The following LAMA5 variants were observed in gnomAD, a reference collection of about 807,000 sequenced individuals.
LAMA5 encodes the protein laminin subunit alpha-5.
In LAMA5, 260 loss-of-function variants were observed where a neutral mutation model predicts 433.4. The observed-to-expected ratio is 0.60, with a 90% CI of 0.54 to 0.66. The LOEUF is 0.66. LAMA5 is among the 30% of genes least tolerant of loss of function. LAMA5 has a pLI of 0.00. For missense variants in LAMA5, 5,378 were observed against 5,258.5 expected, an observed-to-expected ratio of 1.02 and a Z score of -0.70; for synonymous variants, 2,620 against 2,226.6, an observed-to-expected ratio of 1.18 and a Z score of -4.97.
rs373991738 is a variant in LAMA5, at chr20:62,330,844, C to T, written c.3751G>A (p.Ala1251Thr). ...PLPPGLPLTH[A>T]QDLTPAMSPA... ...GACATGGCTGGAGTGAGATCCTGCG[C>T]GTGGGTCAGCGGGAGGCCGGGCGGC... The change falls in exon 30 of 80, where the codon GCG (alanine) becomes ACG (threonine). Residue 1251 changes from alanine to threonine, a missense_variant. By Grantham distance (58) the Ala-to-Thr change is moderately conservative. Coordinates refer to ENST00000252999, the MANE Select transcript of LAMA5 (RefSeq NM_005560.6). 26 of 1,541,294 alleles carry T rather than the reference C, an allele frequency of 1.7e-5. No individual in the cohort carries two copies. The highest frequency in any genetic ancestry group is 1.7e-4 in the Middle Eastern group (1 of 5,956).
chr20:62,353,090 C>A (rs774786820), intron 3 of LAMA5, 44 bp downstream of exon 3: 2 of 1,394,230 alleles, frequency 1.4e-6, no homozygotes, highest in Middle Eastern at 1.8e-4. Context: ...TGCCCAGGGA[C>A]CCCCCTGCCT....
In LAMA5 at chr20:62,324,322, G is replaced by A. The variant is rs1202823659; in HGVS notation, c.5644-118C>T. ...GCCCAAGGCCAGATGGTCCCCCACT[G>A]GGCAACACCCTTCCCCAGACCTCAG... On this transcript the variant is annotated intron_variant, in intron 42 of 79. Transcript: ENST00000252999. This position sits in a 1 kb window ranked among gnomAD's most constrained non-coding sequence, Gnocchi z 4.4. 4.1e-6 allele frequency: 6 copies of A among 1,450,674 alleles called. No homozygotes were observed. The highest frequency in any genetic ancestry group is 1.4e-5 in the African/African-American group (1 of 71,004). The allele number at this position is 1,450,674 out of a possible 1,614,324, so 89.9% of individuals were successfully genotyped here.
chr20:62,329,744 T>C, intron 32 of LAMA5, 33 bp downstream of exon 32: 1 of 1,610,360 alleles, frequency 6.2e-7, no homozygotes, highest in Non-Finnish European at 8.5e-7. Flanking sequence ...TAAGGACAGC[T>C]GGTCCCTGAG....
Position 62,351,693 on chromosome 20 carries a change from TGGGGCCTCACCTGAAC to T in LAMA5, c.951_956+10del, listed in dbSNP as rs1334496175. 1.9e-6 allele frequency: 3 copies of T among 1,595,876 alleles called. No individual in the cohort carries two copies. The highest frequency in any genetic ancestry group is 2.6e-6 in the Non-Finnish European group (3 of 1,172,124). On this transcript the variant is annotated splice_donor_variant and splice_donor_5th_base_variant and coding_sequence_variant and intron_variant, in exon 6 of 80. Transcript: ENST00000252999. LOFTEE classifies it high-confidence loss of function. ...TCACCTGAACGGGGCCTCACCTGAA[TGGGGCCTCACCTGAAC>T]GGGTCCGTGGGGTCTTTGGCATCGC...
intron 45 of LAMA5, 38 bp from the exon 46 acceptor site, chr20:62,322,796 T>C: frequency 7.6e-7 from 1 of 1,318,938 alleles, no homozygotes; most frequent in African/African-American, 1.5e-5. Flanking sequence ...CTGGGCCCTC[T>C]CACCCCCCCA....
chr20:62,358,116 C>T (rs1382349067), intron 2 of LAMA5, among the ~76,000 whole-genome samples: 1 of 152,220 alleles, frequency 6.6e-6, no homozygotes, highest in African/African-American at 2.4e-5. Context: ...TAGGTGGGTG[C>T]TGGGGCATCT....
chr20:62,312,561 G>A (rs759616312), intron 67 of LAMA5, 29 bp from the exon 68 acceptor site: 4 of 1,599,000 alleles, frequency 2.5e-6, no homozygotes, highest in Non-Finnish European at 3.4e-6. Context: ...GCGGGTCAGG[G>A]CGCCACCTCC....
At chr20:62,339,860 C>G (rs1413670717) in intron 11 of LAMA5, among the ~76,000 whole-genome samples, 2 of 152,178 alleles carry the variant, frequency 1.3e-5, no homozygotes, top group African/African-American at 4.8e-5. Flanking sequence ...GAGGCAAGGA[C>G]GATCGTGGGG....
In LAMA5 at chr20:62,312,235, A is replaced by T. The variant is rs772100457; in HGVS notation, c.9442T>A (p.Tyr3148Asn). ...GCGCTGTGGAAGCCGAAGCCGGAGT[A>T]GACGTTGCCAGTGAGCGGTGCCACG... ...SNVAPLTGNV[Y>N]SGFGFHSAQD... Residue 3148 changes from tyrosine to asparagine, a missense_variant, in exon 69 of 80, where the codon TAC becomes AAC. By Grantham distance (143) the Tyr-to-Asn change is moderately radical (BLOSUM62 -2). Transcript: ENST00000252999. 6.2e-7 allele frequency: 1 copy of T among 1,611,082 alleles called. No individual in the cohort carries two copies. Among genetic ancestry groups the T allele is most frequent in the Non-Finnish European group, 8.5e-7 (1 of 1,179,408 alleles).
At chr20:62,313,890 C>A in intron 62 of LAMA5, 88 bp from the exon 63 acceptor site, 1 of 1,032,212 alleles carries the variant, frequency 9.7e-7, no homozygotes, top group East Asian at 2.7e-5. Flanking sequence ...GGCGAGTGGG[C>A]ACGGAGAGAT....
Position 62,334,624 on chromosome 20 carries a change from G to A in LAMA5, c.2483-3C>T. 3 of 1,545,126 alleles carry A rather than the reference G, an allele frequency of 1.9e-6. No individual in the cohort carries two copies. Among genetic ancestry groups the A allele is most frequent in the Non-Finnish European group, 1.7e-6 (2 of 1,146,306 alleles). On this transcript the variant is annotated splice_region_variant and splice_polypyrimidine_tract_variant and intron_variant, in intron 20 of 79. Coordinates refer to ENST00000252999, the MANE Select transcript of LAMA5 (RefSeq NM_005560.6). Reference sequence around the variant, plus strand: ...ACCGCCAATGTCACACCGGCAGCCTGCAGGGAGAAGGTGGGAGGTCAGAGG... The same window carrying A: ...ACCGCCAATGTCACACCGGCAGCCTACAGGGAGAAGGTGGGAGGTCAGAGG...
intron 3 of LAMA5, 86 bp from the exon 4 acceptor site, chr20:62,352,446 G>A: frequency 1.0e-6 from 1 of 985,576 alleles, no homozygotes. Flanking sequence ...ACGTCTCCGG[G>A]CCTTGCCACT....
Position 62,359,871 on chromosome 20 carries a change from G to GCAGCC in LAMA5, c.450+2524_450+2528dup, listed in dbSNP as rs1985770089. On this transcript the variant is annotated intron_variant, in intron 2 of 79. Coordinates refer to ENST00000252999, the MANE Select transcript of LAMA5 (RefSeq NM_005560.6). This position sits in a 1 kb window ranked among gnomAD's most constrained non-coding sequence, Gnocchi z 4.3. ...AGGGGTATGAGATCCGAACCGTGAT[G>GCAGCC]CAGCCCACCCCGCCCTCCTCAGCCT... 2.0e-5 allele frequency among the ~76,000 whole-genome samples: 3 copies of GCAGCC among 151,992 alleles called. No homozygotes were observed. Among genetic ancestry groups the GCAGCC allele is most frequent in the African/African-American group, 7.3e-5 (3 of 41,378 alleles).
At chr20:62,312,150 T>G (rs769406420) in intron 69 of LAMA5, 23 bp downstream of exon 69, 1 of 1,609,674 alleles carries the variant, frequency 6.2e-7, no homozygotes, top group South Asian at 1.1e-5. Flanking sequence ...GGGTGGGGAA[T>G]GGGCACGGGT....
chr20:62,337,531 A>G lies in LAMA5; in HGVS notation c.2164+59T>C, dbSNP rs1476107765. 1.9e-5 allele frequency: 29 copies of G among 1,553,474 alleles called. 1 individual carries two copies. In the East Asian group the frequency reaches 7.0e-4, roughly 38 times the overall value. ...TCACAGGAAGGCAGGCAGCGTGTGA[A>G]CAGCACAGACCCACACACAGGCCCG... On this transcript the variant is annotated intron_variant, in intron 16 of 79. Transcript: ENST00000252999.
At chr20:62,313,508 C>CT in intron 63 of LAMA5, 48 bp from the exon 64 acceptor site, 1 of 1,563,982 alleles carries the variant, frequency 6.4e-7, no homozygotes, top group Non-Finnish European at 8.6e-7. Context: ...GGCGCCTCCC[C>CT]TCCAGGATGG....
At position 62,338,362 on chromosome 20, in the gene LAMA5, C is replaced by A; in HGVS notation, c.1626G>T (p.Gln542His). Reference sequence around the variant, plus strand: ...CATCGGCCACTCCAGGGCTGGAACACTGGCAGGCTGCAGGAAAGGGTGGCC... The same window carrying A: ...CATCGGCCACTCCAGGGCTGGAACAATGGCAGGCTGCAGGAAAGGGTGGCC... ...GFYGPGCQPC[Q>H]CSSPGVADDR... Residue 542 changes from glutamine to histidine, a missense_variant, in exon 13 of 80, where the codon CAG becomes CAT. By Grantham distance (24) the Gln-to-His change is conservative. Transcript: ENST00000252999. 6.2e-7 allele frequency: 1 copy of A among 1,608,126 alleles called. No individual in the cohort carries two copies. The highest frequency in any genetic ancestry group is 8.5e-7 in the Non-Finnish European group (1 of 1,177,406).
chr20:62,325,134 A>AGG, intron 41 of LAMA5, 182 bp downstream of exon 41: 1 of 444,450 alleles, frequency 2.2e-6, no homozygotes, highest in Non-Finnish European at 3.8e-6. Context: ...GCAGGCAGAC[A>AGG]GGCAGCAGGG....
At position 62,352,306 on chromosome 20, in the gene LAMA5, G is replaced by C. The variant is rs747702178; in HGVS notation, c.623C>G (p.Thr208Arg). The change falls in exon 4 of 80, where the codon ACA becomes AGA. Residue 208 changes from threonine (T) to arginine (R), a missense_variant. Coordinates refer to ENST00000252999, the MANE Select transcript of LAMA5 (RefSeq NM_005560.6). The stretch of plus-strand genomic sequence containing the variant: ...GGTGCAGATGGCCGCGTCGTCCCGT[G>C]TGATGCGCTCCAGCGTCTGTGGCCC... The part of the protein sequence containing the change: ...RFGPQTLERI[T>R]RDDAAICTTE... 1.2e-5 allele frequency: 19 copies of C among 1,599,984 alleles called. No homozygotes were observed. The African/African-American group carries it at 2.3e-4, about 19-fold the overall frequency.
Sources: gnomAD v4.1 joint callset for allele counts (sites outside exome capture counted in the v4.1 genomes callset) on GRCh38, gnomAD v4.1.1 for gene constraint, Gnocchi (gnomAD v3.1) non-coding constraint, MANE v1.5 for transcripts, NCBI Gene and HGNC (gene_info 2026-07-23, HGNC 2026-07-21) for gene names.